The following ASB5 variants were observed in gnomAD, a reference collection of about 807,000 sequenced individuals.
ASB5 encodes the protein ankyrin repeat and SOCS box protein 5.
In ASB5, 45 loss-of-function variants were observed where a neutral mutation model predicts 42.1. The observed-to-expected ratio is 1.07, with a 90% CI of 0.84 to 1.37. The LOEUF is 1.37. ASB5 is among the 40% of genes most tolerant of loss of function. The pLI is 0.00. For synonymous variants in ASB5, 147 were observed against 150.6 expected, an observed-to-expected ratio of 0.98 and a Z score of 0.18; for missense variants, 402 against 399.8, an observed-to-expected ratio of 1.01 and a Z score of -0.05.
chr4:176,221,342 C>G, intron 4 of ASB5, 53 bp from the exon 5 acceptor site: 1 of 1,604,138 alleles, frequency 6.2e-7, no homozygotes, highest in Non-Finnish European at 8.5e-7. Context: ...CCCCACACAC[C>G]TCACCCCAGG....
chr4:176,219,589 T>A (rs1430225230), intron 5 of ASB5, among the ~76,000 whole-genome samples: 3 of 43,980 alleles, frequency 6.8e-5, no homozygotes, highest in African/African-American at 7.6e-5. Flanking sequence ...TATATATATA[T>A]ATATATATAT....
At chr4:176,249,134 T>C (rs147636095) in intron 1 of ASB5, among the ~76,000 whole-genome samples, 1,884 of 152,274 alleles carry the variant, frequency 0.012, 14 homozygotes, top group South Asian at 0.026. Flanking sequence ...ACCCGACTAA[T>C]TTTTGTATTT....
Position 176,269,211 on chromosome 4 carries a change from A to T in ASB5, c.-103T>A. 1 of 1,041,224 alleles carries T rather than the reference A, an allele frequency of 9.6e-7. No individual in the cohort carries two copies. The highest frequency in any genetic ancestry group is 1.4e-6 in the Non-Finnish European group (1 of 732,740). 64.5% of individuals were successfully genotyped at this position (1,041,224 alleles called of 1,614,324 possible). On this transcript the variant is annotated 5_prime_UTR_variant, in exon 1 of 7. Transcript: ENST00000296525. ...GAACAGCTGGTCCTGAGGAAAGAAA[A>T]TATCAGCTGGTAGTGATGCCTACAG...
chr4:176,241,608 C>A lies in ASB5; in HGVS notation c.197-16267G>T, dbSNP rs1753814255. The A allele has an allele frequency of 2.8e-6, 4 of 1,409,830 alleles. No homozygotes were observed. In the South Asian group the frequency reaches 6.7e-5, roughly 24 times the overall value. The allele number at this position is 1,409,830 out of a possible 1,614,324, so 87.3% of individuals were successfully genotyped here. The stretch of plus-strand genomic sequence containing the variant: ...GTCATATCTGAGCCCAGTTCTTGCT[C>A]CATTTTATTTTTTATTCTACTTTAC... On this transcript the variant is annotated intron_variant, in intron 1 of 6. Coordinates refer to ENST00000296525, the MANE Select transcript of ASB5 (RefSeq NM_080874.4).
Position 176,269,204 on chromosome 4 carries a change from A to G in ASB5, c.-96T>C, listed in dbSNP as rs1754424693. On this transcript the variant is annotated 5_prime_UTR_variant, in exon 1 of 7. Coordinates refer to ENST00000296525, the MANE Select transcript of ASB5 (RefSeq NM_080874.4). ...TGCTCCTGAACAGCTGGTCCTGAGG[A>G]AAGAAAATATCAGCTGGTAGTGATG... 2 of 1,121,058 alleles carry G rather than the reference A, an allele frequency of 1.8e-6. No individual in the cohort carries two copies. Among genetic ancestry groups the G allele is most frequent in the East Asian group, 5.1e-5 (2 of 39,114 alleles). 69.4% of individuals were successfully genotyped at this position (1,121,058 alleles called of 1,614,324 possible). A position where few individuals can be genotyped will look rare whatever the true frequency, so the allele number is the denominator to read the frequency against.
chr4:176,238,184 G>T (rs1387147868), intron 1 of ASB5, among the ~76,000 whole-genome samples: 4 of 145,194 alleles, frequency 2.8e-5, no homozygotes, highest in Non-Finnish European at 6.0e-5. Context: ...TCCAGCCTGG[G>T]CGACAGAAGG....
intron 1 of ASB5, among the ~76,000 whole-genome samples, chr4:176,226,825 C>T (rs920458249): frequency 6.6e-6 from 1 of 152,196 alleles, no homozygotes; most frequent in Non-Finnish European, 1.5e-5. Flanking sequence ...TGCCTGGGCT[C>T]TGCGGTGTAG....
chr4:176,261,217 C>T (rs1036244455), intron 1 of ASB5, among the ~76,000 whole-genome samples: 2 of 152,190 alleles, frequency 1.3e-5, no homozygotes, highest in Middle Eastern at 3.4e-3. Flanking sequence ...TCTGAGGATG[C>T]GCAGTGCTGA....
intron 1 of ASB5, among the ~76,000 whole-genome samples, chr4:176,250,712 A>G (rs1754016080): frequency 6.6e-6 from 1 of 152,214 alleles, no homozygotes. Context: ...AATGTACTAG[A>G]TTGCTAGTTA....
At position 176,256,314 on chromosome 4, in the gene ASB5, TATAATGGTCTC is replaced by T. The variant is rs1253141290; in HGVS notation, c.196+12588_196+12598del. On this transcript the variant is annotated intron_variant, in intron 1 of 6. Coordinates refer to ENST00000296525, the MANE Select transcript of ASB5 (RefSeq NM_080874.4). ...TGTTCCCTATTGTTAACATTTATGGTATAATGGTCTCATAGCAAAGAAAGAATACAAAAATC... is the reference window on the plus strand; with the variant it reads ...TGTTCCCTATTGTTAACATTTATGGTATAGCAAAGAAAGAATACAAAAATC... Among the ~76,000 whole-genome samples the T allele has an allele frequency of 4.6e-5, 7 of 152,352 alleles. No homozygotes were observed. The East Asian group carries it at 1.3e-3, about 29-fold the overall frequency.
rs61756322 is a variant in ASB5 at position 176,215,604 on chromosome 4, C to G, written c.986G>C (p.Arg329Pro). ...ATTTAGAATTACTTTACTGTTTTAT[C>G]GATACTGTAAGAAATTCTTCAGTAA... ...PTLLKNFLQY[R>P] The change falls in exon 7 of 7, where the codon CGA (arginine) becomes CCA (proline). Residue 329 changes from arginine (R) to proline (P), a missense_variant. Transcript: ENST00000296525. 12 of 1,611,056 alleles carry G rather than the reference C, an allele frequency of 7.4e-6. No individual in the cohort carries two copies. In the East Asian group the frequency reaches 2.5e-4, roughly 33 times the overall value.
At chr4:176,269,726 CTTT>C (rs1754433312), upstream of ASB5, among the ~76,000 whole-genome samples, 1 of 152,158 alleles carries the variant, frequency 6.6e-6, no homozygotes. Flanking sequence ...CCAATGGACA[CTTT>C]TTAAGAACTT....
intron 1 of ASB5, among the ~76,000 whole-genome samples, chr4:176,260,205 C>T (rs1186634301): frequency 1.3e-5 from 2 of 152,150 alleles, no homozygotes; most frequent in African/African-American, 2.4e-5. Context: ...TTGTTCTGTT[C>T]GAAAGGGGGA....
At position 176,235,176 on chromosome 4, in the gene ASB5, G is replaced by A. The variant is rs187300391; in HGVS notation, c.197-9835C>T. Among the ~76,000 whole-genome samples, 449 of 152,266 alleles carry A rather than the reference G, an allele frequency of 2.9e-3. 2 individuals are homozygous for A. Among genetic ancestry groups the A allele is most frequent in the African/African-American group, 0.01 (434 of 41,550 alleles). The stretch of plus-strand genomic sequence containing the variant: ...AGTTACTTCAATAAAAGGAAGAATT[G>A]TGGAATTGTGTTTTCTACATTTTCA... On this transcript the variant is annotated intron_variant, in intron 1 of 6. Coordinates refer to ENST00000296525, the MANE Select transcript of ASB5 (RefSeq NM_080874.4).
intron 1 of ASB5, among the ~76,000 whole-genome samples, chr4:176,226,606 CT>C (rs1473932353): frequency 1.8e-4 from 28 of 152,294 alleles, no homozygotes; most frequent in Admixed American, 1.8e-3. Flanking sequence ...TTCTGTCTCT[CT>C]GGAGAACCCT....
intron 1 of ASB5, among the ~76,000 whole-genome samples, chr4:176,251,113 C>T (rs1484419573): frequency 1.3e-5 from 2 of 151,944 alleles, no homozygotes; most frequent in Non-Finnish European, 2.9e-5. Flanking sequence ...AACCATCTTA[C>T]ACATAAACCT....
At position 176,217,011 on chromosome 4, in the gene ASB5, T is replaced by A. The variant is rs1579305811; in HGVS notation, c.671-2A>T. ...ATTTGCCTTTCTGTACGTCAGCACC[T>A]ACATGTAATACGGAGTGAAGATAAA... On this transcript the variant is annotated splice_acceptor_variant, in intron 5 of 6. Transcript: ENST00000296525. LOFTEE classifies it high-confidence loss of function. 1.3e-6 allele frequency: 2 copies of A among 1,585,224 alleles called. No individual in the cohort carries two copies. The highest frequency in any genetic ancestry group is 1.7e-6 in the Non-Finnish European group (2 of 1,166,738).
chr4:176,243,819 T>C (rs2126965019), intron 1 of ASB5, among the ~76,000 whole-genome samples: 1 of 152,242 alleles, frequency 6.6e-6, no homozygotes, highest in South Asian at 2.1e-4. Flanking sequence ...TCCCTTAAAG[T>C]CTTATTTTTC....
intron 1 of ASB5, among the ~76,000 whole-genome samples, chr4:176,246,905 T>C (rs954689792): frequency 6.6e-6 from 1 of 152,158 alleles, no homozygotes. Flanking sequence ...AACAAAACTC[T>C]CATTATTCAC....
Sources: allele counts gnomAD v4.1 joint callset (sites outside exome capture counted in the v4.1 genomes callset), GRCh38; gene constraint gnomAD v4.1.1; transcripts MANE v1.5; gene names NCBI Gene and HGNC (gene_info 2026-07-23, HGNC 2026-07-21).